The following CPA5 variants were observed in gnomAD, a reference collection of about 807,000 sequenced individuals.
The protein encoded by CPA5 is carboxypeptidase A5, also known as testicular tissue protein Li 32.
Under a neutral mutation model 52.2 loss-of-function variants are expected in CPA5, and 38 were observed. The observed-to-expected ratio is 0.73, with a 90% confidence interval of 0.56 to 0.95. The LOEUF (loss-of-function observed/expected upper bound fraction) is 0.95. CPA5 is among the 40% of genes least tolerant of loss of function. The pLI is 0.00. For synonymous variants in CPA5, 198 were observed against 213.7 expected, an observed-to-expected ratio of 0.93 and a Z score of 0.64; for missense variants, 519 against 566.7, an observed-to-expected ratio of 0.92 and a Z score of 0.86.
chr7:130,362,457 G>A lies in CPA5; in HGVS notation c.554G>A (p.Arg185Gln), dbSNP rs199835023. 1.4e-5 allele frequency: 23 copies of A among 1,612,972 alleles called. No individual in the cohort carries two copies. The East Asian group carries it at 2.5e-4, about 17-fold the overall frequency. Reference sequence around the variant, plus strand: ...TCTCAGTTCAGCACTGGAGGTTCTCGGCACCCAGCCATCTGGATTGACACT... The same window carrying A: ...TCTCAGTTCAGCACTGGAGGTTCTCAGCACCCAGCCATCTGGATTGACACT... ...LVLKFSTGGS[R>Q]HPAIWIDTGI... Residue 185 changes from arginine (R) to glutamine (Q), a missense_variant, in exon 8 of 13, where the codon CGG (arginine) becomes CAG (glutamine). Physicochemically the swap from Arg to Gln is conservative, Grantham distance 43 (BLOSUM62 1). Transcript: ENST00000474905.
chr7:130,365,386 C>T (rs1171784550), intron 10 of CPA5, among the ~76,000 whole-genome samples: 1 of 151,940 alleles, frequency 6.6e-6, no homozygotes, highest in African/African-American at 2.4e-5. Context: ...GGTCTCACCA[C>T]AGGAAAAAAA....
chr7:130,354,035 G>A (rs1265329589), intron 5 of CPA5, among the ~76,000 whole-genome samples: 1 of 152,000 alleles, frequency 6.6e-6, no homozygotes, highest in African/African-American at 2.4e-5. Context: ...CCATCCTCTC[G>A]CCTCAGCCTT....
Position 130,367,413 on chromosome 7 carries a change from G to A in CPA5, c.880G>A (p.Gly294Arg), listed in dbSNP as rs1554408730. 12 of 1,614,058 alleles carry A rather than the reference G, an allele frequency of 7.4e-6. No individual in the cohort carries two copies. Among genetic ancestry groups the A allele is most frequent in the Non-Finnish European group, 1.0e-5 (12 of 1,180,016 alleles). The change falls in exon 11 of 13, where the codon GGG becomes AGG. Residue 294 changes from glycine to arginine, a missense_variant. Transcript: ENST00000474905. ...NSNPCSETYH[G>R]PSPQSEPEVA... is the part of the protein sequence containing the mutation. ...CAACCCCTGCTCAGAAACTTATCAC[G>A]GGCCCTCCCCTCAGTCGGAGCCGGA...
chr7:130,370,250 A>C (rs2117483763), downstream of CPA5, among the ~76,000 whole-genome samples: 1 of 152,344 alleles, frequency 6.6e-6, no homozygotes, highest in South Asian at 2.1e-4. Context: ...TTAACCCCTG[A>C]ACAACCCAGA....
At chr7:130,358,653 C>T (rs1255017956) in intron 5 of CPA5, among the ~76,000 whole-genome samples, 3 of 152,184 alleles carry the variant, frequency 2.0e-5, no homozygotes, top group African/African-American at 7.2e-5. Flanking sequence ...GGCAGACGAC[C>T]TGAGTACTTC....
chr7:130,359,753 A>T (rs1468935220), intron 6 of CPA5, 66 bp downstream of exon 6: 3 of 1,105,958 alleles, frequency 2.7e-6, no homozygotes, highest in South Asian at 2.7e-5. Context: ...CTCCTGACTC[A>T]GTCAGAAACT....
intron 10 of CPA5, among the ~76,000 whole-genome samples, chr7:130,365,769 C>G (rs1796045499): frequency 6.6e-6 from 1 of 152,276 alleles, no homozygotes; most frequent in South Asian, 2.1e-4. Flanking sequence ...GAACCGCTTT[C>G]TGTGCGTGGG....
chr7:130,364,638 T>A (rs1795976025), intron 10 of CPA5, among the ~76,000 whole-genome samples: 2 of 152,226 alleles, frequency 1.3e-5, no homozygotes, highest in South Asian at 4.1e-4. Flanking sequence ...CACCTGGCCT[T>A]GAGCCAATTC....
At chr7:130,370,628 A>G (rs1160496400), downstream of CPA5, among the ~76,000 whole-genome samples, 2 of 152,350 alleles carry the variant, frequency 1.3e-5, no homozygotes, top group East Asian at 1.9e-4. Context: ...CAAGGCCACA[A>G]TGGAGAGAAA....
chr7:130,357,220 A>G (rs4731688), intron 5 of CPA5, among the ~76,000 whole-genome samples: 34,967 of 152,070 alleles, frequency 0.23, 5,217 homozygotes, highest in African/African-American at 0.43. Context: ...TGAACGTTGT[A>G]AGCAAGCCAA....
At chr7:130,369,247 C>T (rs1388757975), downstream of CPA5, among the ~76,000 whole-genome samples, 1 of 152,058 alleles carries the variant, frequency 6.6e-6, no homozygotes, top group African/African-American at 2.4e-5. Flanking sequence ...CATCAAAGCA[C>T]CGCATATCCA....
chr7:130,354,180 G>A (rs1795342476), intron 5 of CPA5, among the ~76,000 whole-genome samples: 1 of 151,976 alleles, frequency 6.6e-6, no homozygotes, highest in South Asian at 2.1e-4. Context: ...CGCCAACCTC[G>A]AGCTCCCAAA....
intron 5 of CPA5, among the ~76,000 whole-genome samples, chr7:130,356,020 A>G (rs1226179911): frequency 6.6e-6 from 1 of 152,206 alleles, no homozygotes; most frequent in East Asian, 1.9e-4. Flanking sequence ...CCAGTGCCAC[A>G]GGACTGGAGT....
downstream of CPA5, among the ~76,000 whole-genome samples, chr7:130,372,863 T>C (rs1489111421): frequency 2.6e-5 from 4 of 152,214 alleles, no homozygotes; most frequent in African/African-American, 9.7e-5. Context: ...AACCCATTTC[T>C]TGCTCTAGTT....
At chr7:130,361,720 C>A (rs1795801001) in intron 7 of CPA5, among the ~76,000 whole-genome samples, 1 of 152,166 alleles carries the variant, frequency 6.6e-6, no homozygotes, top group African/African-American at 2.4e-5. Context: ...TCAAGCAACT[C>A]AGGACCCTGC....
In CPA5 at chr7:130,359,984, G is replaced by A. The variant is rs1795703825; in HGVS notation, c.432+297G>A. On this transcript the variant is annotated intron_variant, in intron 6 of 12. Transcript: ENST00000474905. ...ACACTAACGCAGGGACCCATTATGGGCCAGAATAGAGCAGGTAGAAGCTAC... is the reference window on the plus strand; with the variant it reads ...ACACTAACGCAGGGACCCATTATGGACCAGAATAGAGCAGGTAGAAGCTAC... Among the ~76,000 whole-genome samples, 6 of 152,184 alleles carry A rather than the reference G, an allele frequency of 3.9e-5. No homozygotes were observed. The South Asian group carries it at 1.2e-3, about 32-fold the overall frequency.
the CPA5 span, among the ~76,000 whole-genome samples, chr7:130,373,741 A>T: frequency 1.3e-5 from 2 of 152,254 alleles, no homozygotes; most frequent in Non-Finnish European, 2.9e-5. Context: ...CGGTCAGCAC[A>T]GGCTGGGAGA....
intron 10 of CPA5, among the ~76,000 whole-genome samples, chr7:130,364,589 G>A (rs919321434): frequency 2.0e-5 from 3 of 152,186 alleles, no homozygotes; most frequent in South Asian, 2.1e-4. Flanking sequence ...CAGCCGCCTC[G>A]GCCACCCAAA....
At chr7:130,369,400 T>C (rs1554409623), downstream of CPA5, among the ~76,000 whole-genome samples, 1 of 152,212 alleles carries the variant, frequency 6.6e-6, no homozygotes, top group African/African-American at 2.4e-5. Context: ...GCCCCAGGCC[T>C]CCTTGTACCT....
Sources: allele counts gnomAD v4.1 joint callset (sites outside exome capture counted in the v4.1 genomes callset), GRCh38; gene constraint gnomAD v4.1.1; transcripts MANE v1.5; gene names NCBI Gene and HGNC (gene_info 2026-07-23, HGNC 2026-07-21).